The following DCPS variants were observed in gnomAD, a reference collection of about 807,000 sequenced individuals.
The protein encoded by DCPS is decapping enzyme, scavenger, also known as m7GpppX diphosphatase.
DCPS carries 27 observed loss-of-function variants against 34.7 expected under a neutral mutation model. The ratio of observed to expected loss-of-function variants is 0.78; its 90% confidence interval spans 0.57 to 1.07. The LOEUF (loss-of-function observed/expected upper bound fraction) is 1.07, where lower values mean the gene tolerates loss of function less well. Among genes scored for constraint, DCPS ranks in the 50% least tolerant of loss-of-function variants. The probability of loss-of-function intolerance (pLI) is 0.00; values close to 1 mark genes in which losing one functional copy is unlikely to be tolerated. For synonymous variants in DCPS, 185 were observed against 185.7 expected, an observed-to-expected ratio of 1.00 and a Z score of 0.03; for missense variants, 464 against 436.9, an observed-to-expected ratio of 1.06 and a Z score of -0.55.
intron 2 of DCPS, among the ~76,000 whole-genome samples, chr11:126,307,388 G>C (rs1309612721): frequency 6.6e-6 from 1 of 151,418 alleles, no homozygotes; most frequent in African/African-American, 2.4e-5. Flanking sequence ...TTTAGGGAGA[G>C]AGTGTGATTC....
rs780216038 is a variant in DCPS at position 126,338,343 on chromosome 11, C to G, written c.580C>G (p.Pro194Ala). The part of the protein sequence containing the change: ...AEADRIVFEN[P>A]DPSDGFVLIP... ...AGCGGACCGGATTGTTTTCGAGAACCCAGATCCCTCTGATGGTTTTGTCCT... is the reference window on the plus strand; with the variant it reads ...AGCGGACCGGATTGTTTTCGAGAACGCAGATCCCTCTGATGGTTTTGTCCT... Residue 194 changes from proline (P) to alanine (A), a missense_variant, in exon 4 of 6, where the codon CCA (proline) becomes GCA (alanine). Physicochemically the swap from Pro to Ala is conservative, Grantham distance 27. Coordinates refer to ENST00000263579, the MANE Select transcript of DCPS (RefSeq NM_014026.6). This position sits in a 1 kb window ranked among gnomAD's most constrained non-coding sequence, Gnocchi z 5.4. 3.1e-6 allele frequency: 5 copies of G among 1,614,034 alleles called. No homozygotes were observed. The highest frequency in any genetic ancestry group is 3.4e-6 in the Non-Finnish European group (4 of 1,180,036).
rs970340902 is a variant in DCPS at position 126,315,330 on chromosome 11, C to T, written c.376+8586C>T. ...ATTCCAGCACTTTGGGAGGCCGAGG[C>T]AGGTGGATCATTTGAGGTCAGGAGT... On this transcript the variant is annotated intron_variant, in intron 2 of 5. Transcript: ENST00000263579. The surrounding 1 kb of genome is among the most constrained non-coding windows in gnomAD (Gnocchi z 6.1). 6.6e-6 allele frequency among the ~76,000 whole-genome samples: 1 copy of T among 152,020 alleles called. No homozygotes were observed. Among genetic ancestry groups the T allele is most frequent in the African/African-American group, 2.4e-5 (1 of 41,330 alleles).
chr11:126,326,280 A>G (rs1695739), intron 2 of DCPS, among the ~76,000 whole-genome samples: 31,142 of 152,112 alleles, frequency 0.2, 3,382 homozygotes, highest in Non-Finnish European at 0.24. Context: ...CAGACAGCGT[A>G]TGGCAGGGAG....
chr11:126,325,092 C>T lies in DCPS; in HGVS notation c.377-6313C>T, dbSNP rs1221828767. Among the ~76,000 whole-genome samples the T allele has an allele frequency of 1.3e-5, 2 of 152,112 alleles. No homozygotes were observed. The highest frequency in any genetic ancestry group is 1.3e-4 in the Admixed American group (2 of 15,268). ...CAGCTACTCACTCGGGTTGCTGAGG[C>T]ACGAGAATCGCTTGAACCCAGGAGG... On this transcript the variant is annotated intron_variant, in intron 2 of 5. Coordinates refer to ENST00000263579, the MANE Select transcript of DCPS (RefSeq NM_014026.6). This position sits in a 1 kb window ranked among gnomAD's most constrained non-coding sequence, Gnocchi z 4.3.
chr11:126,317,574 C>G (rs1301683850), intron 2 of DCPS, among the ~76,000 whole-genome samples: 1 of 152,222 alleles, frequency 6.6e-6, no homozygotes, highest in Non-Finnish European at 1.5e-5. Flanking sequence ...TGCTGATTCA[C>G]ATGAGTTCAC....
intron 2 of DCPS, among the ~76,000 whole-genome samples, chr11:126,307,655 T>C (rs1044723874): frequency 1.3e-5 from 2 of 152,008 alleles, no homozygotes; most frequent in African/African-American, 2.4e-5. Context: ...GATCCACCCG[T>C]CTTGGCCTCC....
chr11:126,331,303 A>G lies in DCPS; in HGVS notation c.377-102A>G, dbSNP rs1951789223. On this transcript the variant is annotated intron_variant, in intron 2 of 5. Transcript: ENST00000263579. The surrounding 1 kb of genome is among the most constrained non-coding windows in gnomAD (Gnocchi z 7.2). ...ATCCTCTTGGATTTTGGCTTCCCTC[A>G]GGGAATCAAAGCCAGGGTGGGAGTT... 1 of 1,528,050 alleles carries G rather than the reference A, an allele frequency of 6.5e-7. No individual in the cohort carries two copies. The highest frequency in any genetic ancestry group is 8.8e-7 in the Non-Finnish European group (1 of 1,133,742). 94.7% of individuals were successfully genotyped at this position (1,528,050 alleles called of 1,614,324 possible). A position where few individuals can be genotyped will look rare whatever the true frequency, so the allele number is the denominator to read the frequency against.
At position 126,328,544 on chromosome 11, in the gene DCPS, C is replaced by T. The variant is rs565169384; in HGVS notation, c.377-2861C>T. Among the ~76,000 whole-genome samples the T allele has an allele frequency of 6.6e-6, 1 of 152,242 alleles. No homozygotes were observed. Among genetic ancestry groups the T allele is most frequent in the African/African-American group, 2.4e-5 (1 of 41,540 alleles). On this transcript the variant is annotated intron_variant, in intron 2 of 5. Transcript: ENST00000263579. This position sits in a 1 kb window ranked among gnomAD's most constrained non-coding sequence, Gnocchi z 6.6. ...GCTGGCTGGGTGAGACGCCAGTTTC[C>T]CTGCACCCTGGGTGGCTGGGGCAGG...
At position 126,329,853 on chromosome 11, in the gene DCPS, G is replaced by A. The variant is rs1211467526; in HGVS notation, c.377-1552G>A. Reference sequence around the variant, plus strand: ...GTGTGTGAGTGAGTATGAGGACTTCGTGGTGGTGAAATGTGCCCGCTGGGT... The same window carrying A: ...GTGTGTGAGTGAGTATGAGGACTTCATGGTGGTGAAATGTGCCCGCTGGGT... On this transcript the variant is annotated intron_variant, in intron 2 of 5. Transcript: ENST00000263579. This position sits in a 1 kb window ranked among gnomAD's most constrained non-coding sequence, Gnocchi z 5.0. Among the ~76,000 whole-genome samples the A allele has an allele frequency of 6.6e-6, 1 of 152,180 alleles. No individual in the cohort carries two copies. The highest frequency in any genetic ancestry group is 1.5e-5 in the Non-Finnish European group (1 of 68,032).
intron 2 of DCPS, among the ~76,000 whole-genome samples, chr11:126,321,680 C>T (rs981019535): frequency 6.9e-6 from 1 of 144,700 alleles, no homozygotes; most frequent in Non-Finnish European, 1.5e-5. Flanking sequence ...AAAGAGAAGA[C>T]AAGAAAAAGA....
rs528638896 is a variant in DCPS, at chr11:126,309,208, T to C, written c.376+2464T>C. Among the ~76,000 whole-genome samples the C allele has an allele frequency of 1.2e-3, 179 of 152,094 alleles. 1 individual carries two copies. Among genetic ancestry groups the C allele is most frequent in the Admixed American group, 3.3e-4 (5 of 15,254 alleles). Reference sequence around the variant, plus strand: ...GCCCAGCTAATTTTTGTATTTTTAATAGAGATGGGGTTTCACCATGTTGGC... The same window carrying C: ...GCCCAGCTAATTTTTGTATTTTTAACAGAGATGGGGTTTCACCATGTTGGC... On this transcript the variant is annotated intron_variant, in intron 2 of 5. Coordinates refer to ENST00000263579, the MANE Select transcript of DCPS (RefSeq NM_014026.6).
chr11:126,343,645 A>G (rs1591393602), intron 5 of DCPS, among the ~76,000 whole-genome samples: 1 of 151,866 alleles, frequency 6.6e-6, no homozygotes, highest in African/African-American at 2.4e-5. Flanking sequence ...GCCTTTCTCC[A>G]TCTGGGATGC....
Position 126,338,769 on chromosome 11 carries a change from C to T in DCPS, c.636+370C>T, listed in dbSNP as rs1188997988. 3.3e-5 allele frequency among the ~76,000 whole-genome samples: 5 copies of T among 152,172 alleles called. No homozygotes were observed. The highest frequency in any genetic ancestry group is 7.3e-5 in the Non-Finnish European group (5 of 68,040). On this transcript the variant is annotated intron_variant, in intron 4 of 5. Coordinates refer to ENST00000263579, the MANE Select transcript of DCPS (RefSeq NM_014026.6). This position sits in a 1 kb window ranked among gnomAD's most constrained non-coding sequence, Gnocchi z 5.4. ...CCATTTTCTCCATTCCCCTTGACAC[C>T]AGCAGATCCAGGCAGGCCCGTGTTC...
intron 2 of DCPS, among the ~76,000 whole-genome samples, chr11:126,330,758 T>C (rs886807787): frequency 8.8e-6 from 1 of 114,060 alleles, no homozygotes; most frequent in Non-Finnish European, 1.8e-5. Context: ...TTTTTTGAGA[T>C]AGAGTTTCAC....
rs927171326 is a variant in DCPS, at chr11:126,332,575, C to T, written c.522+1025C>T. ...CCCTGGCCCAGAAGAAGGGAGGGTA[C>T]GCTGTGTGTGTGGGCACTGCAAGGT... On this transcript the variant is annotated intron_variant, in intron 3 of 5. Coordinates refer to ENST00000263579, the MANE Select transcript of DCPS (RefSeq NM_014026.6). The surrounding 1 kb of genome is among the most constrained non-coding windows in gnomAD (Gnocchi z 5.4). Among the ~76,000 whole-genome samples, 2 of 152,158 alleles carry T rather than the reference C, an allele frequency of 1.3e-5. No individual in the cohort carries two copies. The highest frequency in any genetic ancestry group is 4.1e-4 in the South Asian group (2 of 4,836).
At chr11:126,309,081 A>G (rs1289964957) in intron 2 of DCPS, among the ~76,000 whole-genome samples, 2 of 149,818 alleles carry the variant, frequency 1.3e-5, no homozygotes, top group East Asian at 3.9e-4. Flanking sequence ...CTGGAGTGCA[A>G]TGGCACGTTC....
At chr11:126,326,751 G>A (rs930256027) in intron 2 of DCPS, among the ~76,000 whole-genome samples, 2 of 152,074 alleles carry the variant, frequency 1.3e-5, no homozygotes, top group African/African-American at 2.4e-5. Context: ...GTGAAACCCT[G>A]TCTCTACTAA....
rs1186425788 is a variant in DCPS at position 126,327,762 on chromosome 11, C to A, written c.377-3643C>A. 6.6e-6 allele frequency among the ~76,000 whole-genome samples: 1 copy of A among 152,210 alleles called. No individual in the cohort carries two copies. The highest frequency in any genetic ancestry group is 2.4e-5 in the African/African-American group (1 of 41,442). ...CTTCCTGGGTTTAAGTCGAAAAGGC[C>A]AGATTCATTGATTCATTTGTTCACT... On this transcript the variant is annotated intron_variant, in intron 2 of 5. Coordinates refer to ENST00000263579, the MANE Select transcript of DCPS (RefSeq NM_014026.6). The surrounding 1 kb of genome is among the most constrained non-coding windows in gnomAD (Gnocchi z 4.1).
At position 126,342,699 on chromosome 11, in the gene DCPS, G is replaced by A. The variant is rs1256798030; in HGVS notation, c.637-608G>A. 2.6e-5 allele frequency among the ~76,000 whole-genome samples: 4 copies of A among 152,078 alleles called. No homozygotes were observed. Among genetic ancestry groups the A allele is most frequent in the Admixed American group, 1.3e-4 (2 of 15,268 alleles). On this transcript the variant is annotated intron_variant, in intron 4 of 5. Transcript: ENST00000263579. The surrounding 1 kb of genome is among the most constrained non-coding windows in gnomAD (Gnocchi z 4.4). ...AGAGCTACTTGCATACATGCGATAA[G>A]ACTGTAAACTCTCGGAGGGAGAGAG... is the stretch of plus-strand genomic sequence containing the variant.
Sources: gnomAD v4.1 joint callset for allele counts (sites outside exome capture counted in the v4.1 genomes callset) on GRCh38, gnomAD v4.1.1 for gene constraint, Gnocchi (gnomAD v3.1) non-coding constraint, MANE v1.5 for transcripts, NCBI Gene and HGNC (gene_info 2026-07-23, HGNC 2026-07-21) for gene names.